The following SRGAP2B variants were observed in gnomAD, a reference collection of about 807,000 sequenced individuals.
SRGAP2B encodes the protein SLIT-ROBO Rho GTPase activating protein 2B.
SRGAP2B carries 9 observed loss-of-function variants against 22.2 expected under a neutral mutation model. That is an observed-to-expected ratio of 0.41 (90% CI 0.24 to 0.71). SRGAP2B has a LOEUF of 0.71. SRGAP2B is among the 30% of genes least tolerant of loss of function. The pLI is 0.35. For synonymous variants in SRGAP2B, 36 were observed against 87.4 expected (o/e 0.41, Z 3.28); for missense variants, 114 against 235.8 (o/e 0.48, Z 3.38).
At position 145,022,026 on chromosome 1, in the gene SRGAP2B, C is replaced by T. The variant is rs587626129; in HGVS notation, c.68-26826G>A. On this transcript the variant is annotated intron_variant, in intron 2 of 9. Coordinates refer to ENST00000612199, the Ensembl canonical transcript of SRGAP2B. ...TAAAAGAAGATTCCTCATCCATCTA[C>T]TCCTCAGTTTCACTGTGGAACTCAT... Among the ~76,000 whole-genome samples, 36 of 146,112 alleles carry T rather than the reference C, an allele frequency of 2.5e-4. 1 individual carries two copies. The highest frequency in any genetic ancestry group is 9.3e-4 in the African/African-American group (35 of 37,534).
chr1:144,999,202 A>G (rs1250543043), intron 2 of SRGAP2B, among the ~76,000 whole-genome samples: 2 of 150,768 alleles, frequency 1.3e-5, no homozygotes, highest in African/African-American at 5.0e-5. Flanking sequence ...CTTGGGAGCT[A>G]TGGAGATGGT....
At chr1:145,023,099 G>A (rs587618622) in intron 2 of SRGAP2B, among the ~76,000 whole-genome samples, 7 of 148,922 alleles carry the variant, frequency 4.7e-5, no homozygotes, top group South Asian at 2.1e-4. Context: ...CGGGAGAGGC[G>A]GAGGTTGCAG....
chr1:145,022,994 G>A (rs781900946), intron 2 of SRGAP2B, among the ~76,000 whole-genome samples: 5 of 149,630 alleles, frequency 3.3e-5, no homozygotes, highest in East Asian at 2.0e-4. Context: ...GTGAAGCCCC[G>A]TCTCTACTAA....
chr1:145,064,680 C>T (rs1553632046), intron 2 of SRGAP2B, among the ~76,000 whole-genome samples: 1 of 150,046 alleles, frequency 6.7e-6, no homozygotes, highest in Admixed American at 6.6e-5. Context: ...CCTGTCCTTG[C>T]AGCTGTCTTA....
At chr1:144,998,539 C>T (rs1553618964) in intron 2 of SRGAP2B, among the ~76,000 whole-genome samples, 1 of 148,418 alleles carries the variant, frequency 6.7e-6, no homozygotes, top group African/African-American at 2.6e-5. Flanking sequence ...TCCCCTCCCT[C>T]ACAACTGGCC....
chr1:145,076,606 A>G (rs587625286), intron 2 of SRGAP2B, among the ~76,000 whole-genome samples: 20 of 147,036 alleles, frequency 1.4e-4, no homozygotes, highest in African/African-American at 5.3e-4. Flanking sequence ...TGAAATGACA[A>G]TATTATAAAC....
rs1352546109 is a variant in SRGAP2B, at chr1:144,976,567, GCT to G, written c.260+18439_260+18440del. ...CCATTTCCCACTAAAAGCAACCGAG[GCT>G]CTCTGAAAAAATGGTCAACTCCACA... On this transcript the variant is annotated intron_variant, in intron 3 of 9. Coordinates refer to ENST00000612199, the Ensembl canonical transcript of SRGAP2B. Among the ~76,000 whole-genome samples, 5 of 144,744 alleles carry G rather than the reference GCT, an allele frequency of 3.5e-5. 1 individual carries two copies. Among genetic ancestry groups the G allele is most frequent in the African/African-American group, 8.5e-5 (3 of 35,394 alleles). 95.0% of individuals were successfully genotyped at this position (144,744 alleles called of 152,430 possible).
intron 2 of SRGAP2B, among the ~76,000 whole-genome samples, chr1:145,010,619 A>T (rs1671982033): frequency 6.7e-6 from 1 of 149,420 alleles, no homozygotes; most frequent in South Asian, 2.1e-4. Flanking sequence ...AAATTCAAGT[A>T]AAAAGAAATG....
chr1:144,909,586 CA>C (rs1298848761), intron 5 of SRGAP2B, among the ~76,000 whole-genome samples: 305 of 130,860 alleles, frequency 2.3e-3, no homozygotes, highest in African/African-American at 5.1e-3. Flanking sequence ...GACTCCATCT[CA>C]AAAAAAAAAA....
At position 144,989,303 on chromosome 1, in the gene SRGAP2B, A is replaced by AT. The variant is rs58585545; in HGVS notation, c.260+5704dup. Among the ~76,000 whole-genome samples the AT allele has an allele frequency of 3.0e-3, 146 of 49,304 alleles. 1 individual carries two copies. Among genetic ancestry groups the AT allele is most frequent in the African/African-American group, 6.4e-3 (69 of 10,860 alleles). 32.3% of individuals were successfully genotyped at this position (49,304 alleles called of 152,430 possible). On this transcript the variant is annotated intron_variant, in intron 3 of 9. Coordinates refer to ENST00000612199, the Ensembl canonical transcript of SRGAP2B. Reference sequence around the variant, plus strand: ...TAGCTCTTTTCCCTGTTAACCAGGGATTTTTTTTTTTTTTTAGACACAGGG... The same window carrying AT: ...TAGCTCTTTTCCCTGTTAACCAGGGATTTTTTTTTTTTTTTTAGACACAGGG...
At chr1:144,964,646 T>C (rs369544158) in intron 3 of SRGAP2B, among the ~76,000 whole-genome samples, 1 of 151,288 alleles carries the variant, frequency 6.6e-6, no homozygotes, top group Admixed American at 6.6e-5. Flanking sequence ...GGAAAGCGCC[T>C]TGAACTATGC....
At chr1:144,971,995 C>A (rs1262029109) in intron 3 of SRGAP2B, among the ~76,000 whole-genome samples, 2 of 150,120 alleles carry the variant, frequency 1.3e-5, no homozygotes, top group Admixed American at 1.3e-4. Context: ...TGCTCAGAGC[C>A]CCAGAGCGCA....
chr1:144,912,024 C>T (rs1663461182), intron 5 of SRGAP2B, among the ~76,000 whole-genome samples: 1 of 146,006 alleles, frequency 6.8e-6, no homozygotes, highest in East Asian at 2.0e-4. Context: ...GATCTCGGCT[C>T]ACTGCAAGCT....
intron 2 of SRGAP2B, among the ~76,000 whole-genome samples, chr1:145,006,013 G>T (rs1309298625): frequency 2.0e-5 from 3 of 150,798 alleles, no homozygotes; most frequent in African/African-American, 7.4e-5. Context: ...GAAACAGTCT[G>T]CCCAGTTCCT....
intron 2 of SRGAP2B, among the ~76,000 whole-genome samples, chr1:145,020,015 TC>T (rs1256711823): frequency 4.6e-5 from 7 of 150,898 alleles, no homozygotes; most frequent in African/African-American, 1.7e-4. Context: ...GAAATGCCCT[TC>T]CCCCAATATC....
rs587638975 is a variant in SRGAP2B at position 144,970,724 on chromosome 1, G to T, written c.261-15123C>A. ...GGAATTATCAGCAGTTTACCAGTTG[G>T]TTCTTTATTAGTACTCCTGATGTCT... On this transcript the variant is annotated intron_variant, in intron 3 of 9. Transcript: ENST00000612199. Among the ~76,000 whole-genome samples the T allele has an allele frequency of 1.7e-4, 26 of 148,952 alleles. 1 individual carries two copies. Among genetic ancestry groups the T allele is most frequent in the East Asian group, 1.6e-3 (8 of 5,106 alleles).
rs587698903 is a variant in SRGAP2B at position 144,971,361 on chromosome 1, C to A, written c.261-15760G>T. ...GGTCAGGCTGGTCTCCAACTCCTGACCTCAGGTGATCTGTCCACATTGGCC... is the reference window on the plus strand; with the variant it reads ...GGTCAGGCTGGTCTCCAACTCCTGAACTCAGGTGATCTGTCCACATTGGCC... On this transcript the variant is annotated intron_variant, in intron 3 of 9. Transcript: ENST00000612199. 2.5e-4 allele frequency among the ~76,000 whole-genome samples: 37 copies of A among 150,084 alleles called. 1 individual carries two copies. The highest frequency in any genetic ancestry group is 8.8e-4 in the African/African-American group (35 of 39,942).
intron 2 of SRGAP2B, among the ~76,000 whole-genome samples, chr1:145,088,877 T>A (rs1653691461): frequency 7.2e-6 from 1 of 139,686 alleles, no homozygotes; most frequent in African/African-American, 2.6e-5. Context: ...AGGTTCCATA[T>A]CTGCAGATTC....
chr1:144,917,448 CCTT>C (rs1370032767), intron 4 of SRGAP2B: 1 of 114,648 alleles, frequency 8.7e-6, no homozygotes, highest in African/African-American at 4.1e-5. Flanking sequence ...CTTAACTCCT[CCTT>C]ATGTTTGAAT....
Sources: gnomAD v4.1 joint callset for allele counts (sites outside exome capture counted in the v4.1 genomes callset) on GRCh38, gnomAD v4.1.1 for gene constraint, MANE v1.5 for transcripts, NCBI Gene and HGNC (gene_info 2026-07-23, HGNC 2026-07-21) for gene names.